The following UGGT1 variants were observed in gnomAD, a reference collection of about 807,000 sequenced individuals.
UGGT1 encodes UDP-glucose glycoprotein glucosyltransferase 1.
Under a neutral mutation model 203.9 loss-of-function variants are expected in UGGT1, and 107 were observed. That is an observed-to-expected ratio of 0.52 (90% confidence interval 0.45 to 0.62). The LOEUF (loss-of-function observed/expected upper bound fraction) is 0.62, where lower values mean the gene tolerates loss of function less well. UGGT1 is among the 20% of genes least tolerant of loss of function. UGGT1 has a pLI of 0.00. For missense variants in UGGT1, 1,673 were observed against 1,867.2 expected, an observed-to-expected ratio of 0.90 and a Z score of 1.92; for synonymous variants, 628 against 653.5, an observed-to-expected ratio of 0.96 and a Z score of 0.59.
chr2:128,112,985 T>C, intron 5 of UGGT1, 99 bp from the exon 6 acceptor site: 1 of 1,140,168 alleles, frequency 8.8e-7, no homozygotes, highest in Middle Eastern at 2.3e-4. Context: ...ATGCTTATAA[T>C]CTTTATTTGA....
chr2:128,104,135 G>A, intron 3 of UGGT1, 121 bp downstream of exon 3: 1 of 688,478 alleles, frequency 1.5e-6, no homozygotes, highest in Non-Finnish European at 2.3e-6. Flanking sequence ...TTTAATGACT[G>A]GAGTTATGAT....
At chr2:128,119,408 G>T (rs1360970270) in intron 8 of UGGT1, among the ~76,000 whole-genome samples, 2 of 151,922 alleles carry the variant, frequency 1.3e-5, no homozygotes, top group East Asian at 3.9e-4. Context: ...ACTCCAGCCT[G>T]GGCAACAAGA....
chr2:128,112,455 T>A (rs1687902477), intron 5 of UGGT1, among the ~76,000 whole-genome samples: 1 of 42,422 alleles, frequency 2.4e-5, no homozygotes, highest in Non-Finnish European at 6.3e-5. Context: ...AATACTATGT[T>A]ATATATATAT....
Position 128,192,061 on chromosome 2 carries a change from A to G in UGGT1, c.*2319A>G, listed in dbSNP as rs1035165436. On this transcript the variant is annotated 3_prime_UTR_variant, in exon 41 of 41. Coordinates refer to ENST00000259253, the MANE Select transcript of UGGT1 (RefSeq NM_020120.4). ...GCTGGCCCCCATAGCACCTTTCCCC[A>G]TGTCTTTCTACCAAGCCTCTTATGT... 3.3e-5 allele frequency: 5 copies of G among 152,184 alleles called. No individual in the cohort carries two copies. The highest frequency in any genetic ancestry group is 1.2e-4 in the African/African-American group (5 of 41,376). 9.4% of individuals were successfully genotyped at this position (152,184 alleles called of 1,614,324 possible).
At chr2:128,183,880 C>T (rs988784393) in intron 38 of UGGT1, 91 bp downstream of exon 38, 12 of 912,234 alleles carry the variant, frequency 1.3e-5, no homozygotes, top group Non-Finnish European at 1.9e-5. Flanking sequence ...TCAGTCCTCT[C>T]CTCACAGGAT....
chr2:128,122,331 C>T (rs886628533), intron 10 of UGGT1, among the ~76,000 whole-genome samples: 12 of 151,870 alleles, frequency 7.9e-5, no homozygotes, highest in Non-Finnish European at 1.3e-4. Flanking sequence ...TCAGGAGTTC[C>T]AGACCAGCCT....
chr2:128,124,663 T>G (rs1371591547), intron 11 of UGGT1, among the ~76,000 whole-genome samples: 1 of 140,544 alleles, frequency 7.1e-6, no homozygotes, highest in African/African-American at 2.6e-5. Flanking sequence ...AAAAGTCTCT[T>G]CTTTCCTATT....
intron 34 of UGGT1, 57 bp downstream of exon 34, chr2:128,178,626 T>C (rs1573625322): frequency 2.0e-6 from 3 of 1,492,920 alleles, no homozygotes; most frequent in African/African-American, 2.8e-5. Flanking sequence ...AGTGTTCTTA[T>C]TTAGAGAGGA....
intron 13 of UGGT1, 34 bp downstream of exon 13, chr2:128,129,213 C>A: frequency 6.3e-7 from 1 of 1,575,572 alleles, no homozygotes; most frequent in Non-Finnish European, 8.6e-7. Context: ...AAAGGACTTT[C>A]TGACCAGGAA....
At chr2:128,171,322 G>T (rs1691090573) in intron 28 of UGGT1, 38 bp downstream of exon 28, 11 of 1,568,362 alleles carry the variant, frequency 7.0e-6, no homozygotes, top group Non-Finnish European at 9.6e-6. Flanking sequence ...TGAAGAAATT[G>T]TACTGAATCC....
intron 11 of UGGT1, among the ~76,000 whole-genome samples, chr2:128,124,621 A>G (rs1688525313): frequency 6.6e-6 from 1 of 151,180 alleles, no homozygotes; most frequent in Admixed American, 6.6e-5. Flanking sequence ...TTTATTTTTT[A>G]AATGTTGCAC....
At position 128,115,308 on chromosome 2, in the gene UGGT1, G is replaced by A. The variant is rs566979024; in HGVS notation, c.793+88G>A. 3.3e-6 allele frequency: 4 copies of A among 1,214,054 alleles called. No individual in the cohort carries two copies. In the South Asian group the frequency reaches 4.0e-5, roughly 12 times the overall value. 75.2% of individuals were successfully genotyped at this position (1,214,054 alleles called of 1,614,324 possible). A position where few individuals can be genotyped will look rare whatever the true frequency, so the allele number is the denominator to read the frequency against. ...TCCATATGAAAAATAATAGATTTAGGTGTATGCTGAACCTGTGTTTGCATC... is the reference window on the plus strand; with the variant it reads ...TCCATATGAAAAATAATAGATTTAGATGTATGCTGAACCTGTGTTTGCATC... On this transcript the variant is annotated intron_variant, in intron 7 of 40. Coordinates refer to ENST00000259253, the MANE Select transcript of UGGT1 (RefSeq NM_020120.4).
intron 33 of UGGT1, 55 bp downstream of exon 33, chr2:128,177,975 C>T: frequency 2.8e-6 from 4 of 1,421,950 alleles, no homozygotes; most frequent in East Asian, 4.9e-5. Flanking sequence ...ATATAAGCAC[C>T]ATCCATCCCT....
rs74584055 is a variant in UGGT1, at chr2:128,166,922, A to G, written c.2921+2097A>G. Among the ~76,000 whole-genome samples, 188 of 152,196 alleles carry G rather than the reference A, an allele frequency of 1.2e-3. No homozygotes were observed. The East Asian group carries it at 0.033, about 27-fold the overall frequency. On this transcript the variant is annotated intron_variant, in intron 26 of 40. Transcript: ENST00000259253. ...AGTGGGCCTGTGTTTTTTATGACCC[A>G]TCCTTGTGGGGATCAGGTGTGCGTG...
chr2:128,129,027 A>G lies in UGGT1; in HGVS notation c.1227-2A>G. Reference sequence around the variant, plus strand: ...AATATCTCTTTTTGTTTTTCCCCCCAGTCTGTTTGATGTGTTGAGGAATGA... The same window carrying G: ...AATATCTCTTTTTGTTTTTCCCCCCGGTCTGTTTGATGTGTTGAGGAATGA... On this transcript the variant is annotated splice_acceptor_variant, in intron 12 of 40. Coordinates refer to ENST00000259253, the MANE Select transcript of UGGT1 (RefSeq NM_020120.4). LOFTEE classifies it high-confidence loss of function. 6.4e-7 allele frequency: 1 copy of G among 1,566,746 alleles called. No homozygotes were observed. Among genetic ancestry groups the G allele is most frequent in the Non-Finnish European group, 8.6e-7 (1 of 1,162,498 alleles).
At chr2:128,104,089 T>G (rs1047063701) in intron 3 of UGGT1, 75 bp downstream of exon 3, 4 of 1,125,226 alleles carry the variant, frequency 3.6e-6, no homozygotes, top group Middle Eastern at 2.1e-4. Context: ...CTTTATAGTA[T>G]GTGTGGCATG....
chr2:128,164,824 A>G lies in UGGT1; in HGVS notation c.2920A>G (p.Ser974Gly). Residue 974 changes from serine to glycine, a missense_variant and splice_region_variant, in exon 26 of 41, where the codon AGT becomes GGT. Ser to Gly is a moderately conservative substitution (Grantham distance 56, BLOSUM62 0). Around this residue, in one of 4 missense-constraint regions of UGGT1, gnomAD observed 1,073 missense variants for 1,078.7 expected, o/e 0.99. Transcript: ENST00000259253. ...IEYQFFEDRH[S>G]AIKLRPKEGE... is the part of the protein sequence containing the mutation. ...GTACCAGTTTTTTGAAGACAGACAC[A>G]GGTATAGAATTAATGTTGAATTTGT... is the stretch of plus-strand genomic sequence containing the variant. The G allele has an allele frequency of 6.3e-7, 1 of 1,598,382 alleles. No homozygotes were observed. The highest frequency in any genetic ancestry group is 8.5e-7 in the Non-Finnish European group (1 of 1,174,278).
chr2:128,122,000 G>A (rs1344985134), intron 10 of UGGT1, among the ~76,000 whole-genome samples: 1 of 152,154 alleles, frequency 6.6e-6, no homozygotes, highest in African/African-American at 2.4e-5. Flanking sequence ...TTTTACATAT[G>A]TCATCTTATT....
chr2:128,099,536 C>A (rs1333775512), intron 2 of UGGT1, among the ~76,000 whole-genome samples: 1 of 152,140 alleles, frequency 6.6e-6, no homozygotes, highest in African/African-American at 2.4e-5. Context: ...CGAATGGTTG[C>A]ACCTCTTAAG....
Sources: allele counts gnomAD v4.1 joint callset (sites outside exome capture counted in the v4.1 genomes callset), GRCh38; gene constraint gnomAD v4.1.1; regional missense constraint gnomAD v4.1.1; transcripts MANE v1.5; gene names NCBI Gene and HGNC (gene_info 2026-07-23, HGNC 2026-07-21).